The following PCDHGA12 variants were observed in gnomAD, a reference collection of about 807,000 sequenced individuals.
PCDHGA12 encodes the protein protocadherin gamma-A12.
PCDHGA12 carries 43 observed loss-of-function variants against 61.1 expected under a neutral mutation model. That is an observed-to-expected ratio of 0.70 (90% CI 0.55 to 0.91). PCDHGA12 has a LOEUF of 0.91. PCDHGA12 is among the 40% of genes least tolerant of loss of function. The probability of loss-of-function intolerance (pLI) is 0.00; values close to 1 mark genes in which losing one functional copy is unlikely to be tolerated. For synonymous variants in PCDHGA12, 520 were observed against 542.9 expected (o/e 0.96, Z 0.59); for missense variants, 1,236 against 1,227.7 (o/e 1.01, Z -0.10).
chr5:141,445,608 C>T (rs2098472204), intron 1 of PCDHGA12, among the ~76,000 whole-genome samples: 1 of 152,108 alleles, frequency 6.6e-6, no homozygotes, highest in South Asian at 2.1e-4. Context: ...TCAAGGAAGG[C>T]TTTCTTTTTT....
chr5:141,483,442 AATCATCAGGACTTGTTG>A (rs2099581330), intron 1 of PCDHGA12, among the ~76,000 whole-genome samples: 1 of 152,196 alleles, frequency 6.6e-6, no homozygotes, highest in Non-Finnish European at 1.5e-5. Context: ...ACTACAATAA[AATCATCAGGACTTGTTG>A]ATTGACATGA....
intron 2 of PCDHGA12, among the ~76,000 whole-genome samples, chr5:141,500,176 A>G (rs922155744): frequency 1.4e-5 from 2 of 145,916 alleles, no homozygotes; most frequent in Admixed American, 1.4e-4. Flanking sequence ...CATGAGCTTC[A>G]TTTTTATTTT....
chr5:141,457,868 G>T lies in PCDHGA12; in HGVS notation c.2424+24685G>T, dbSNP rs1479066479. ...AAAGTGACATTCTTCACTGACCACA[G>T]GTTAGGAACCCTGTGTGGGGACTGT... On this transcript the variant is annotated intron_variant, in intron 1 of 3. Transcript: ENST00000252085. Among the ~76,000 whole-genome samples the T allele has an allele frequency of 2.0e-5, 3 of 152,346 alleles. No individual in the cohort carries two copies. In the East Asian group the frequency reaches 5.8e-4, roughly 29 times the overall value.
chr5:141,470,707 TA>T (rs1207543665), intron 1 of PCDHGA12, among the ~76,000 whole-genome samples: 1 of 152,164 alleles, frequency 6.6e-6, no homozygotes, highest in African/African-American at 2.4e-5. Flanking sequence ...ATTTTTATTT[TA>T]TTTTTTTGAG....
chr5:141,440,563 T>C (rs1048420758), intron 1 of PCDHGA12: 3 of 152,250 alleles, frequency 2.0e-5, no homozygotes, highest in Admixed American at 6.5e-5. Flanking sequence ...TTAAGTTACG[T>C]ATCTCTGAGT....
chr5:141,484,512 G>A (rs1178383152), intron 1 of PCDHGA12, among the ~76,000 whole-genome samples: 47 of 152,196 alleles, frequency 3.1e-4, no homozygotes, highest in Non-Finnish European at 4.0e-4. Context: ...TTCTGCAGAA[G>A]GGCAGAGTTT....
chr5:141,507,495 G>T (rs375483743), intron 3 of PCDHGA12, among the ~76,000 whole-genome samples: 2 of 152,234 alleles, frequency 1.3e-5, no homozygotes, highest in Non-Finnish European at 2.9e-5. Context: ...AGGCAGAGCT[G>T]TCCCAGGTCT....
Position 141,485,996 on chromosome 5 carries a change from G to A in PCDHGA12, c.2425-8811G>A, listed in dbSNP as rs114142606. On this transcript the variant is annotated intron_variant, in intron 1 of 3. Coordinates refer to ENST00000252085, the MANE Select transcript of PCDHGA12 (RefSeq NM_003735.3). The surrounding 1 kb of genome is among the most constrained non-coding windows in gnomAD (Gnocchi z 5.7). ...CTCAGACCCGGACCTGGGTCCCAGT[G>A]GTAACGTCACCTTTTATTTCAGTGG... The A allele has an allele frequency of 1.6e-4, 256 of 1,614,178 alleles. 1 individual carries two copies. Among genetic ancestry groups the A allele is most frequent in the Middle Eastern group, 1.5e-3 (9 of 6,062 alleles).
Position 141,431,046 on chromosome 5 carries a change from G to A in PCDHGA12, c.287G>A (p.Cys96Tyr), listed in dbSNP as rs1324139757. 7 of 1,614,240 alleles carry A rather than the reference G, an allele frequency of 4.3e-6. 1 individual carries two copies. The Admixed American group carries it at 1.0e-4, about 23-fold the overall frequency. ...TAGRIDREEL[C>Y]MGAIKCQLNL... ...GGCAGGATAGACCGGGAGGAGCTCTGTATGGGGGCCATCAAGTGTCAATTA... is the reference window on the plus strand; with the variant it reads ...GGCAGGATAGACCGGGAGGAGCTCTATATGGGGGCCATCAAGTGTCAATTA... Residue 96 changes from cysteine (C) to tyrosine (Y), a missense_variant, in exon 1 of 4, where the codon TGT (cysteine) becomes TAT (tyrosine). Cys to Tyr is a radical substitution (Grantham distance 194). Transcript: ENST00000252085. The surrounding 1 kb of genome is among the most constrained non-coding windows in gnomAD (Gnocchi z 4.8).
In PCDHGA12 at chr5:141,432,853, C is replaced by A. The variant is rs748301578; in HGVS notation, c.2094C>A (p.Ala698=). 1.1e-5 allele frequency: 17 copies of A among 1,614,176 alleles called. No homozygotes were observed. Among genetic ancestry groups the A allele is most frequent in the East Asian group, 4.5e-5 (2 of 44,874 alleles). The change falls in exon 1 of 4, where the codon GCC becomes GCA. Residue 698 remains alanine (A), a synonymous_variant. Transcript: ENST00000252085. The surrounding 1 kb of genome is among the most constrained non-coding windows in gnomAD (Gnocchi z 6.0). ...CTCTGTACCTGGTGGTAGCGGTGGC[C>A]GCGGTCTCCTGCGTCTTCCTGGCCT... The part of the protein sequence containing the change: ...DLTLYLVVAV[A]AVSCVFLAFV...
At chr5:141,454,313 G>A (rs986902404) in intron 1 of PCDHGA12, among the ~76,000 whole-genome samples, 1 of 152,296 alleles carries the variant, frequency 6.6e-6, no homozygotes, top group Non-Finnish European at 1.5e-5. Context: ...TCAAAGCATT[G>A]AAACCTCCAA....
In PCDHGA12 at chr5:141,477,955, C is replaced by T. The variant is rs748233998; in HGVS notation, c.2425-16852C>T. The T allele has an allele frequency of 3.7e-6, 6 of 1,614,004 alleles. No homozygotes were observed. Among genetic ancestry groups the T allele is most frequent in the Admixed American group, 3.3e-5 (2 of 59,988 alleles). On this transcript the variant is annotated intron_variant, in intron 1 of 3. Transcript: ENST00000252085. This position sits in a 1 kb window ranked among gnomAD's most constrained non-coding sequence, Gnocchi z 4.9. ...GGCTCTCCTACAGTCTCTTGGGATCCCCTAACCAGAGCCTTTTTGCCATAG... is the reference window on the plus strand; with the variant it reads ...GGCTCTCCTACAGTCTCTTGGGATCTCCTAACCAGAGCCTTTTTGCCATAG...
intron 1 of PCDHGA12, chr5:141,478,111 A>G (rs2099430294): frequency 1.2e-6 from 2 of 1,613,982 alleles, no homozygotes; most frequent in Admixed American, 1.7e-5. Context: ...TCACTGTGTC[A>G]GTAACCGAGG....
chr5:141,433,291 T>A, intron 1 of PCDHGA12, 108 bp downstream of exon 1: 1 of 1,094,048 alleles, frequency 9.1e-7, no homozygotes, highest in Non-Finnish European at 1.3e-6. Flanking sequence ...ACTCCTAGGC[T>A]CAAGCAATTA....
At chr5:141,475,491 C>T (rs1321482409) in intron 1 of PCDHGA12, among the ~76,000 whole-genome samples, 2 of 152,202 alleles carry the variant, frequency 1.3e-5, no homozygotes, top group African/African-American at 4.8e-5. Flanking sequence ...AGAGATAAAA[C>T]TGAAATTATT....
At chr5:141,433,215 T>A (rs755571112) in intron 1 of PCDHGA12, 32 bp downstream of exon 1, 1 of 1,568,720 alleles carries the variant, frequency 6.4e-7, no homozygotes, top group South Asian at 1.2e-5. Flanking sequence ...TTTCTTTTTT[T>A]TTTTTAATTG....
At chr5:141,488,236 T>G (rs1333427955) in intron 1 of PCDHGA12, among the ~76,000 whole-genome samples, 2 of 152,154 alleles carry the variant, frequency 1.3e-5, no homozygotes, top group Non-Finnish European at 2.9e-5. Context: ...TTGAACTAGA[T>G]GCGGTAAATT....
At chr5:141,467,060 T>C (rs1304506319) in intron 1 of PCDHGA12, among the ~76,000 whole-genome samples, 1 of 151,520 alleles carries the variant, frequency 6.6e-6, no homozygotes, top group Non-Finnish European at 1.5e-5. Context: ...GTTTTCTTTT[T>C]TTTTTTTTTT....
At position 141,476,318 on chromosome 5, in the gene PCDHGA12, G is replaced by A. The variant is rs767809530; in HGVS notation, c.2425-18489G>A. ...TAGCCTCTCAGCCCGCAGGTTCCGG[G>A]TGGTGTCTGGAGCTAGCCGAAGATT... is the stretch of plus-strand genomic sequence containing the variant. On this transcript the variant is annotated intron_variant, in intron 1 of 3. Coordinates refer to ENST00000252085, the MANE Select transcript of PCDHGA12 (RefSeq NM_003735.3). This position sits in a 1 kb window ranked among gnomAD's most constrained non-coding sequence, Gnocchi z 7.6. The A allele has an allele frequency of 6.2e-6, 10 of 1,614,084 alleles. No homozygotes were observed. Among genetic ancestry groups the A allele is most frequent in the Non-Finnish European group, 7.6e-6 (9 of 1,180,060 alleles).
Sources: allele counts gnomAD v4.1 joint callset (sites outside exome capture counted in the v4.1 genomes callset), GRCh38; gene constraint gnomAD v4.1.1; non-coding constraint Gnocchi (gnomAD v3.1); transcripts MANE v1.5; gene names NCBI Gene and HGNC (gene_info 2026-07-23, HGNC 2026-07-21).